The following MTERF4 variants were observed in gnomAD, a reference collection of about 807,000 sequenced individuals.
MTERF4 encodes the protein transcription termination factor 4, mitochondrial.
Under a neutral mutation model 22.5 loss-of-function variants are expected in MTERF4, and 17 were observed. That is an observed-to-expected ratio of 0.75 (90% CI 0.52 to 1.13). MTERF4 has a LOEUF of 1.13. Ranked by LOEUF, MTERF4 falls within the 50% of genes most tolerant of loss-of-function variation. The probability of loss-of-function intolerance (pLI) is 0.00; values close to 1 mark genes in which losing one functional copy is unlikely to be tolerated. For synonymous variants in MTERF4, 165 were observed against 175.3 expected (o/e 0.94, Z 0.47); for missense variants, 420 against 466.8 (o/e 0.90, Z 0.92).
downstream of MTERF4, chr2:241,082,420 C>A: frequency 1.5e-6 from 2 of 1,379,300 alleles, no homozygotes; most frequent in Non-Finnish European, 1.0e-6. Context: ...CTTGACTCCT[C>A]AAAGTGCTGT....
the MTERF4 span, among the ~76,000 whole-genome samples, chr2:241,046,415 G>C: frequency 6.6e-6 from 1 of 152,074 alleles, no homozygotes; most frequent in Non-Finnish European, 1.5e-5. Context: ...CCCTTCACTG[G>C]GTGAATGGAT....
At chr2:241,071,854 A>G, downstream of MTERF4, 2 of 1,605,512 alleles carry the variant, frequency 1.2e-6, no homozygotes, top group Non-Finnish European at 1.7e-6. Context: ...TGGCTCACCC[A>G]GCAAAGCAGC....
At chr2:241,071,692 G>A (rs1170861797), downstream of MTERF4, 13 of 1,527,676 alleles carry the variant, frequency 8.5e-6, no homozygotes, top group South Asian at 1.2e-5. Context: ...TGACCACAGC[G>A]CCCCCGAGAC....
chr2:241,093,999 T>C (rs529220322), downstream of MTERF4: 1 of 233,830 alleles, frequency 4.3e-6, no homozygotes, highest in East Asian at 1.3e-4. Context: ...CTGAGGATTC[T>C]ACTTAGTCCT....
At chr2:241,079,953 T>C (rs1483028670) in intron 4 of MTERF4, among the ~76,000 whole-genome samples, 1 of 152,150 alleles carries the variant, frequency 6.6e-6, no homozygotes, top group Non-Finnish European at 1.5e-5. Context: ...ATTTTCAGTG[T>C]AAAGAATTAA....
chr2:241,089,500 G>A, downstream of MTERF4: 2 of 1,439,258 alleles, frequency 1.4e-6, no homozygotes, highest in Non-Finnish European at 1.9e-6. Context: ...CTGGGCCGGA[G>A]CTCCGCACAT....
At chr2:241,062,004 AGTGTGGAGTT>A in the MTERF4 span, among the ~76,000 whole-genome samples, 1 of 152,254 alleles carries the variant, frequency 6.6e-6, no homozygotes, top group East Asian at 1.9e-4. Flanking sequence ...AGTGACCTAC[AGTGTGGAGTT>A]CTCTTCTTCA....
downstream of MTERF4, among the ~76,000 whole-genome samples, chr2:241,090,644 A>G (rs958734388): frequency 2.6e-5 from 4 of 152,170 alleles, no homozygotes; most frequent in Non-Finnish European, 4.4e-5. Flanking sequence ...AGGCCGGCGG[A>G]TCACTTGAGG....
At chr2:241,074,080 C>T (rs2062886503) in exon 5 of MTERF4, 1 of 152,324 alleles carries the variant, frequency 6.6e-6, no homozygotes, top group Admixed American at 6.5e-5. Flanking sequence ...CCTGTTCTCC[C>T]CTGAGTCATA....
At chr2:241,059,495 C>G in the MTERF4 span, among the ~76,000 whole-genome samples, 1 of 152,196 alleles carries the variant, frequency 6.6e-6, no homozygotes, top group Non-Finnish European at 1.5e-5. Flanking sequence ...TTTGAAGTTA[C>G]AGACTGGTAT....
the MTERF4 span, among the ~76,000 whole-genome samples, chr2:241,057,380 A>T: frequency 1.0e-4 from 12 of 118,114 alleles, no homozygotes; most frequent in Admixed American, 1.7e-4. Flanking sequence ...TCCATCTCAA[A>T]ATATATATAT....
At chr2:241,072,976 G>C in exon 5 of MTERF4, 1 of 455,568 alleles carries the variant, frequency 2.2e-6, no homozygotes, top group Non-Finnish European at 3.9e-6. Context: ...CGCATCAGCC[G>C]TGAGGATGGG....
At chr2:241,058,767 G>A in the MTERF4 span, among the ~76,000 whole-genome samples, 3 of 152,094 alleles carry the variant, frequency 2.0e-5, no homozygotes, top group South Asian at 4.2e-4. Context: ...TGGCTAACAC[G>A]GTGAAACCCC....
At chr2:241,051,431 T>G in the MTERF4 span, 1 of 291,488 alleles carries the variant, frequency 3.4e-6, no homozygotes. The surrounding 1 kb of genome is among the most constrained non-coding windows in gnomAD (Gnocchi z 4.7). Flanking sequence ...AGGGAGGGAG[T>G]GCTGCGCCCG....
downstream of MTERF4, chr2:241,093,833 C>T (rs2064207310): frequency 6.6e-6 from 1 of 152,414 alleles, no homozygotes; most frequent in Non-Finnish European, 1.5e-5. Flanking sequence ...CTTGAAAATA[C>T]TCAAAGTCCA....
In MTERF4 at chr2:241,096,633, G is replaced by A; in HGVS notation, c.706-195C>T. On this transcript the variant is annotated intron_variant, in intron 3 of 3. Coordinates refer to ENST00000391980, the MANE Select transcript of MTERF4 (RefSeq NM_182501.4). This position sits in a 1 kb window ranked among gnomAD's most constrained non-coding sequence, Gnocchi z 5.1. ...CAAAACACTTTCAAATTCATCCTGA[G>A]AAACATGGAGCAGGAAATAAAGGGG... The A allele has an allele frequency of 1.4e-6, 1 of 698,748 alleles. No individual in the cohort carries two copies. Among genetic ancestry groups the A allele is most frequent in the Non-Finnish European group, 2.6e-6 (1 of 378,850 alleles). 43.3% of individuals were successfully genotyped at this position (698,748 alleles called of 1,614,324 possible). A position where few individuals can be genotyped will look rare whatever the true frequency, so the allele number is the denominator to read the frequency against.
the MTERF4 span, chr2:241,064,874 G>A: frequency 1.3e-6 from 2 of 1,590,858 alleles, no homozygotes; most frequent in Non-Finnish European, 1.7e-6. The surrounding 1 kb of genome is among the most constrained non-coding windows in gnomAD (Gnocchi z 7.0). Context: ...AGCCCCTGTG[G>A]GGGCCGTGGC....
At chr2:241,084,795 T>C (rs1189136824), downstream of MTERF4, among the ~76,000 whole-genome samples, 1 of 152,178 alleles carries the variant, frequency 6.6e-6, no homozygotes, top group Non-Finnish European at 1.5e-5. Context: ...CTCTAACATC[T>C]CCTATAGCAC....
chr2:241,049,806 C>G, the MTERF4 span: 2 of 1,608,460 alleles, frequency 1.2e-6, no homozygotes, highest in Non-Finnish European at 1.7e-6. Flanking sequence ...CCCTCTGTCC[C>G]CCGCCCCCAG....
Sources: allele counts gnomAD v4.1 joint callset (sites outside exome capture counted in the v4.1 genomes callset), GRCh38; gene constraint gnomAD v4.1.1; non-coding constraint Gnocchi (gnomAD v3.1); transcripts MANE v1.5; gene names NCBI Gene and HGNC (gene_info 2026-07-23, HGNC 2026-07-21).